Variants in CMTM4 observed in about 807,000 individuals in gnomAD.
CMTM4 encodes the protein CKLF-like MARVEL transmembrane domain-containing protein 4.
In CMTM4, 8 loss-of-function variants were observed where a neutral mutation model predicts 19.0. That is an observed-to-expected ratio of 0.42 (90% CI 0.25 to 0.76). The LOEUF (loss-of-function observed/expected upper bound fraction) is 0.76. CMTM4 is among the 30% of genes least tolerant of loss of function. The probability of loss-of-function intolerance (pLI) is 0.27; values close to 1 mark genes in which losing one functional copy is unlikely to be tolerated. For missense variants in CMTM4, 228 were observed against 290.2 expected (o/e 0.79, Z 1.56); for synonymous variants, 106 against 121.1 (o/e 0.88, Z 0.82).
chr16:66,663,417 G>T (rs768567976), intron 1 of CMTM4, among the ~76,000 whole-genome samples: 8 of 151,804 alleles, frequency 5.3e-5, no homozygotes, highest in Middle Eastern at 3.4e-3. Context: ...GAAGCGGGAG[G>T]ATTACTGGAG....
chr16:66,606,292 A>G, the CMTM4 span, among the ~76,000 whole-genome samples: 2 of 152,140 alleles, frequency 1.3e-5, no homozygotes, highest in Non-Finnish European at 2.9e-5. Context: ...GCGGGATGAA[A>G]AAACAGGAAT....
chr16:66,631,201 C>G (rs995662714), intron 2 of CMTM4, among the ~76,000 whole-genome samples: 2 of 149,232 alleles, frequency 1.3e-5, no homozygotes, highest in African/African-American at 5.0e-5. Context: ...CCGCCCTGTC[C>G]GGGAGGGAGG....
chr16:66,654,979 TC>T (rs1262644185), intron 1 of CMTM4, among the ~76,000 whole-genome samples: 1 of 152,014 alleles, frequency 6.6e-6, no homozygotes, highest in African/African-American at 2.4e-5. Flanking sequence ...TACCCGAATT[TC>T]CTTTTTGTTT....
At chr16:66,683,169 A>ATATACATG (rs2016958911) in intron 1 of CMTM4, among the ~76,000 whole-genome samples, 1 of 84,468 alleles carries the variant, frequency 1.2e-5, no homozygotes, top group African/African-American at 3.8e-5. Flanking sequence ...ACGTATATAT[A>ATATACATG]TATATACATA....
intron 1 of CMTM4, among the ~76,000 whole-genome samples, chr16:66,680,672 G>C (rs938396992): frequency 6.7e-6 from 1 of 149,874 alleles, no homozygotes; most frequent in Non-Finnish European, 1.5e-5. Context: ...TGCTCGGAAG[G>C]CTGAGGCAGG....
intron 1 of CMTM4, among the ~76,000 whole-genome samples, chr16:66,651,837 T>C (rs1187704278): frequency 1.3e-5 from 2 of 152,348 alleles, no homozygotes; most frequent in Middle Eastern, 6.8e-3. Flanking sequence ...AAACTTAAAA[T>C]ATCACCCTCC....
chr16:66,601,139 C>T, the CMTM4 span, among the ~76,000 whole-genome samples: 5 of 149,834 alleles, frequency 3.3e-5, no homozygotes, highest in Non-Finnish European at 5.9e-5. Flanking sequence ...GTGTGTTTAT[C>T]TTTGTGGGGA....
At chr16:66,659,236 A>G (rs760835551) in intron 1 of CMTM4, among the ~76,000 whole-genome samples, 35 of 152,064 alleles carry the variant, frequency 2.3e-4, no homozygotes, top group African/African-American at 9.7e-5. Context: ...TTAGCTGGGC[A>G]TGGTGGTGTG....
At chr16:66,640,573 C>G (rs1380994034) in intron 1 of CMTM4, among the ~76,000 whole-genome samples, 1 of 152,120 alleles carries the variant, frequency 6.6e-6, no homozygotes, top group African/African-American at 2.4e-5. Context: ...GTGGCAGGAT[C>G]TCCTTTGGGT....
intron 2 of CMTM4, among the ~76,000 whole-genome samples, chr16:66,635,861 G>T (rs886977826): frequency 6.6e-6 from 1 of 152,166 alleles, no homozygotes; most frequent in African/African-American, 2.4e-5. Context: ...ATTAACAAGG[G>T]TGGCCAAACA....
chr16:66,673,057 G>A (rs540328144), intron 1 of CMTM4, among the ~76,000 whole-genome samples: 31 of 142,420 alleles, frequency 2.2e-4, no homozygotes, highest in South Asian at 4.5e-4. Flanking sequence ...TTACAGGCAC[G>A]CGCCACCACA....
chr16:66,663,254 C>T (rs1255746358), intron 1 of CMTM4, among the ~76,000 whole-genome samples: 1 of 152,140 alleles, frequency 6.6e-6, no homozygotes, highest in Admixed American at 6.5e-5. Context: ...CCAGGAAAAT[C>T]TCAATTCATA....
Position 66,621,780 on chromosome 16 carries a change from G to C in CMTM4, c.*278C>G. The C allele has an allele frequency of 7.8e-7, 1 of 1,278,218 alleles. No individual in the cohort carries two copies. Among genetic ancestry groups the C allele is most frequent in the East Asian group, 3.2e-5 (1 of 31,208 alleles). The allele number at this position is 1,278,218 out of a possible 1,614,324, so 79.2% of individuals were successfully genotyped here. A position where few individuals can be genotyped will look rare whatever the true frequency, so the allele number is the denominator to read the frequency against. On this transcript the variant is annotated 3_prime_UTR_variant, in exon 4 of 4. Transcript: ENST00000394106. ...AATACACACGACAAGGTGGCTCAGAGTCAAAGGAAGCCTGTGCTTCAGGGC... is the reference window on the plus strand; with the variant it reads ...AATACACACGACAAGGTGGCTCAGACTCAAAGGAAGCCTGTGCTTCAGGGC...
chr16:66,665,388 G>A (rs2016573880), intron 1 of CMTM4, among the ~76,000 whole-genome samples: 1 of 151,350 alleles, frequency 6.6e-6, no homozygotes, highest in South Asian at 2.1e-4. Flanking sequence ...GCTGAGAATA[G>A]TTTTTAGACA....
chr16:66,617,835 G>A lies in CMTM4; in HGVS notation c.*4223C>T. On this transcript the variant is annotated 3_prime_UTR_variant, in exon 4 of 4. Coordinates refer to ENST00000394106, the MANE Select transcript of CMTM4 (RefSeq NM_181521.3). ...CCAGATGCCAGGAGCTCACCCACAG[G>A]ACGGGAAAGACCTGTCCCCAGCATC... The A allele has an allele frequency of 6.0e-6, 6 of 994,834 alleles. No individual in the cohort carries two copies. Among genetic ancestry groups the A allele is most frequent in the Non-Finnish European group, 6.0e-6 (5 of 835,998 alleles). The allele number at this position is 994,834 out of a possible 1,614,324, so 61.6% of individuals were successfully genotyped here. A position where few individuals can be genotyped will look rare whatever the true frequency, so the allele number is the denominator to read the frequency against.
chr16:66,674,035 C>G (rs1026826894), intron 1 of CMTM4, among the ~76,000 whole-genome samples: 1 of 152,236 alleles, frequency 6.6e-6, no homozygotes, highest in Non-Finnish European at 1.5e-5. Flanking sequence ...GGGCAGATCC[C>G]TCTCATGCCC....
At chr16:66,688,608 C>G (rs895601520) in intron 1 of CMTM4, among the ~76,000 whole-genome samples, 1 of 152,096 alleles carries the variant, frequency 6.6e-6, no homozygotes, top group Non-Finnish European at 1.5e-5. Flanking sequence ...TGGAACATAC[C>G]TCCATAAACC....
At chr16:66,627,813 C>A (rs150957003) in intron 2 of CMTM4, among the ~76,000 whole-genome samples, 2,062 of 152,258 alleles carry the variant, frequency 0.014, 27 homozygotes, top group Non-Finnish European at 0.02. Context: ...GACACAGAGA[C>A]AAAGCATAGA....
At chr16:66,684,997 C>T (rs1221555587) in intron 1 of CMTM4, among the ~76,000 whole-genome samples, 11 of 152,216 alleles carry the variant, frequency 7.2e-5, no homozygotes. Flanking sequence ...TTCTCTTGTA[C>T]ACACAGCCTG....
Sources: allele counts gnomAD v4.1 joint callset (sites outside exome capture counted in the v4.1 genomes callset), GRCh38; gene constraint gnomAD v4.1.1; transcripts MANE v1.5; gene names NCBI Gene and HGNC (gene_info 2026-07-23, HGNC 2026-07-21).